Variants in KCNB2 observed in about 807,000 individuals in gnomAD.
KCNB2 encodes potassium voltage-gated channel subfamily B member 2.
In KCNB2, 15 loss-of-function variants were observed where a neutral mutation model predicts 61.5. The ratio of observed to expected loss-of-function variants is 0.24; its 90% CI spans 0.16 to 0.38. KCNB2 has a LOEUF of 0.38. Ranked by LOEUF, KCNB2 falls within the 10% of genes least tolerant of loss-of-function variation. The pLI, the probability that KCNB2 is intolerant of heterozygous loss-of-function variation, is 1.00. For missense variants in KCNB2, 828 were observed against 1,125.2 expected, an observed-to-expected ratio of 0.74 and a Z score of 3.78; for synonymous variants, 457 against 446.0, an observed-to-expected ratio of 1.02 and a Z score of -0.31.
chr8:72,861,972 G>A (rs1040589380), intron 2 of KCNB2, among the ~76,000 whole-genome samples: 3 of 152,088 alleles, frequency 2.0e-5, no homozygotes, highest in Non-Finnish European at 2.9e-5. Flanking sequence ...AGGAGTTCAG[G>A]AGCAGCCTGG....
rs544864436 is a variant in KCNB2 at position 72,718,778 on chromosome 8, C to T, written c.579+150465C>T. On this transcript the variant is annotated intron_variant, in intron 2 of 2. Transcript: ENST00000523207. ...TATATACATATGTAACAAACCTGTA[C>T]GTTGTGCGCATGTACCCTAAAGCTG... 5.9e-5 allele frequency among the ~76,000 whole-genome samples: 9 copies of T among 152,048 alleles called. No individual in the cohort carries two copies. The East Asian group carries it at 1.2e-3, about 20-fold the overall frequency.
At chr8:72,816,427 A>G (rs1365660107) in intron 2 of KCNB2, among the ~76,000 whole-genome samples, 2 of 152,230 alleles carry the variant, frequency 1.3e-5, no homozygotes, top group Admixed American at 6.5e-5. Flanking sequence ...ATGCTGAACA[A>G]AACAAAATAT....
chr8:72,792,782 C>T (rs1004907151), intron 2 of KCNB2, among the ~76,000 whole-genome samples: 6 of 152,174 alleles, frequency 3.9e-5, no homozygotes, highest in Non-Finnish European at 5.9e-5. Flanking sequence ...TATAAGACAT[C>T]CAAGCCTACC....
intron 2 of KCNB2, among the ~76,000 whole-genome samples, chr8:72,675,747 T>A (rs1161413178): frequency 6.6e-6 from 1 of 152,100 alleles, no homozygotes; most frequent in Non-Finnish European, 1.5e-5. Flanking sequence ...AGAGACGGGA[T>A]TTCATCATGT....
intron 2 of KCNB2, among the ~76,000 whole-genome samples, chr8:72,829,159 A>G (rs1485152913): frequency 1.3e-5 from 2 of 152,202 alleles, no homozygotes; most frequent in Non-Finnish European, 2.9e-5. Context: ...TTTATTTTAG[A>G]TATTACTGCC....
intron 1 of KCNB2, among the ~76,000 whole-genome samples, chr8:72,541,810 C>T (rs1806191700): frequency 1.3e-5 from 2 of 151,988 alleles, no homozygotes; most frequent in Non-Finnish European, 2.9e-5. Context: ...TCTCATTGGT[C>T]AGTTTATTTT....
intron 2 of KCNB2, among the ~76,000 whole-genome samples, chr8:72,627,309 C>T (rs1279908732): frequency 1.3e-5 from 2 of 152,138 alleles, no homozygotes; most frequent in African/African-American, 4.8e-5. Flanking sequence ...TGATATTTAG[C>T]CTAATGGCTA....
At chr8:72,651,748 G>A (rs1214601928) in intron 2 of KCNB2, among the ~76,000 whole-genome samples, 6 of 152,054 alleles carry the variant, frequency 3.9e-5, no homozygotes, top group Admixed American at 1.3e-4. Context: ...AGGGAGAAAT[G>A]TAACATCAAT....
intron 2 of KCNB2, among the ~76,000 whole-genome samples, chr8:72,904,442 TGTGC>T (rs1806137881): frequency 6.6e-6 from 1 of 152,102 alleles, no homozygotes; most frequent in African/African-American, 2.4e-5. Flanking sequence ...TGGGTTGATC[TGTGC>T]AGCAAACTAC....
At chr8:72,588,023 C>G (rs1325465394) in intron 2 of KCNB2, among the ~76,000 whole-genome samples, 1 of 151,600 alleles carries the variant, frequency 6.6e-6, no homozygotes, top group African/African-American at 2.4e-5. Context: ...TTTTGTGGAA[C>G]ACATTTACTG....
chr8:72,931,874 A>G (rs1302302317), intron 2 of KCNB2, among the ~76,000 whole-genome samples: 2 of 152,196 alleles, frequency 1.3e-5, no homozygotes, highest in East Asian at 3.8e-4. Flanking sequence ...TTAGCTGGGC[A>G]TGGTGGTGCA....
intron 2 of KCNB2, among the ~76,000 whole-genome samples, chr8:72,728,642 A>G (rs1807689823): frequency 6.6e-6 from 1 of 152,204 alleles, no homozygotes; most frequent in African/African-American, 2.4e-5. Flanking sequence ...AGGTATTAAT[A>G]TAAATATGGG....
chr8:72,664,656 G>A (rs1215147951), intron 2 of KCNB2, among the ~76,000 whole-genome samples: 1 of 152,162 alleles, frequency 6.6e-6, no homozygotes, highest in Non-Finnish European at 1.5e-5. Flanking sequence ...TCTTTATTAA[G>A]TACTTGTTAC....
rs1017421938 is a variant in KCNB2 at position 72,697,771 on chromosome 8, A to AT, written c.579+129466dup. 1.5e-4 allele frequency among the ~76,000 whole-genome samples: 23 copies of AT among 152,180 alleles called. 1 individual carries two copies. Among genetic ancestry groups the AT allele is most frequent in the East Asian group, 1.3e-3 (7 of 5,186 alleles). On this transcript the variant is annotated intron_variant, in intron 2 of 2. Coordinates refer to ENST00000523207, the MANE Select transcript of KCNB2 (RefSeq NM_004770.3). ...AGCAGTTATTCTCATTAAAAAAATGATTTTTTTTCTAACATGAAGCAGCAT... is the reference window on the plus strand; with the variant it reads ...AGCAGTTATTCTCATTAAAAAAATGATTTTTTTTTCTAACATGAAGCAGCAT...
At chr8:72,851,660 T>C (rs958730706) in intron 2 of KCNB2, among the ~76,000 whole-genome samples, 8 of 152,016 alleles carry the variant, frequency 5.3e-5, no homozygotes, top group African/African-American at 1.7e-4. Context: ...TGCTCTAAAC[T>C]GTCCGATGGC....
At chr8:72,884,154 G>T (rs1321760579) in intron 2 of KCNB2, among the ~76,000 whole-genome samples, 1 of 152,096 alleles carries the variant, frequency 6.6e-6, no homozygotes, top group Admixed American at 6.5e-5. Context: ...TTAAATTTTT[G>T]TTTTTTGATT....
chr8:72,792,884 T>C (rs1445557873), intron 2 of KCNB2, among the ~76,000 whole-genome samples: 1 of 152,202 alleles, frequency 6.6e-6, no homozygotes, highest in African/African-American at 2.4e-5. Flanking sequence ...AATAAAACCA[T>C]AGGTCCCGGA....
At position 72,912,891 on chromosome 8, in the gene KCNB2, C is replaced by G. The variant is rs142176966; in HGVS notation, c.580-23044C>G. Among the ~76,000 whole-genome samples, 11 of 152,120 alleles carry G rather than the reference C, an allele frequency of 7.2e-5. No individual in the cohort carries two copies. The East Asian group carries it at 1.9e-3, about 27-fold the overall frequency. On this transcript the variant is annotated intron_variant, in intron 2 of 2. Transcript: ENST00000523207. The stretch of plus-strand genomic sequence containing the variant: ...TTTACGGGCAAGGGAATAAATGTTT[C>G]GGAGAAAGATTTTTACCTTTGAGCA...
chr8:72,860,814 A>T (rs1483502521), intron 2 of KCNB2, among the ~76,000 whole-genome samples: 1 of 152,254 alleles, frequency 6.6e-6, no homozygotes, highest in African/African-American at 2.4e-5. Context: ...CAAATGCATG[A>T]TGCATCTTCT....
Sources: allele counts gnomAD v4.1 joint callset (sites outside exome capture counted in the v4.1 genomes callset), GRCh38; gene constraint gnomAD v4.1.1; transcripts MANE v1.5; gene names NCBI Gene and HGNC (gene_info 2026-07-23, HGNC 2026-07-21).